Variants in PDE10A observed in about 807,000 individuals in gnomAD.
The protein encoded by PDE10A is cAMP and cAMP-inhibited cGMP 3',5'-cyclic phosphodiesterase 10A.
In PDE10A, 39 loss-of-function variants were observed where a neutral mutation model predicts 97.7. The observed-to-expected ratio is 0.40, with a 90% CI of 0.31 to 0.52. The LOEUF (loss-of-function observed/expected upper bound fraction) is 0.52. Ranked by LOEUF, PDE10A falls within the 20% of genes least tolerant of loss-of-function variation. The probability of loss-of-function intolerance (pLI) is 0.56; values close to 1 mark genes in which losing one functional copy is unlikely to be tolerated. For synonymous variants in PDE10A, 371 were observed against 376.8 expected, an observed-to-expected ratio of 0.98 and a Z score of 0.18; for missense variants, 731 against 1,047.8, an observed-to-expected ratio of 0.70 and a Z score of 4.17.
chr6:165,546,195 A>G (rs767369321), intron 1 of PDE10A, among the ~76,000 whole-genome samples: 1 of 152,046 alleles, frequency 6.6e-6, no homozygotes, highest in African/African-American at 2.4e-5. Context: ...CCAACTATAC[A>G]ACACTGGAGA....
chr6:165,806,802 C>G (rs1779155573), intron 1 of PDE10A, among the ~76,000 whole-genome samples: 1 of 152,224 alleles, frequency 6.6e-6, no homozygotes, highest in Non-Finnish European at 1.5e-5. Context: ...GAGAAATCAT[C>G]TGGAGAACCA....
At chr6:165,543,958 C>A (rs1412800128) in intron 1 of PDE10A, among the ~76,000 whole-genome samples, 3 of 152,062 alleles carry the variant, frequency 2.0e-5, no homozygotes, top group African/African-American at 7.2e-5. Context: ...CATCATGTTA[C>A]ATAGCTGTTT....
intron 3 of PDE10A, among the ~76,000 whole-genome samples, chr6:165,480,246 A>G (rs1169457826): frequency 6.6e-6 from 1 of 152,180 alleles, no homozygotes; most frequent in Non-Finnish European, 1.5e-5. Context: ...GAGAATGGCC[A>G]TTTTGGGAGG....
At chr6:165,968,484 T>C (rs565438822) in intron 1 of PDE10A, among the ~76,000 whole-genome samples, 1 of 152,246 alleles carries the variant, frequency 6.6e-6, no homozygotes, top group Admixed American at 6.5e-5. Flanking sequence ...GGGCCAAACA[T>C]TTTCAACACG....
At chr6:165,658,542 C>T (rs1249847204) in intron 1 of PDE10A, among the ~76,000 whole-genome samples, 1 of 152,192 alleles carries the variant, frequency 6.6e-6, no homozygotes, top group African/African-American at 2.4e-5. Flanking sequence ...TATCCACAGG[C>T]GTGCCTCAGA....
intron 1 of PDE10A, among the ~76,000 whole-genome samples, chr6:165,914,466 G>A (rs574762444): frequency 1.3e-5 from 2 of 152,158 alleles, no homozygotes; most frequent in East Asian, 1.9e-4. Flanking sequence ...TGCCCCTCAC[G>A]TTATCCCATG....
chr6:165,814,229 G>A (rs1336296926), intron 1 of PDE10A, among the ~76,000 whole-genome samples: 1 of 152,142 alleles, frequency 6.6e-6, no homozygotes, highest in Non-Finnish European at 1.5e-5. Flanking sequence ...GTGCTGGAAG[G>A]AGCCGTGCAG....
At chr6:165,833,487 ACTT>A (rs1436383252) in intron 1 of PDE10A, among the ~76,000 whole-genome samples, 1 of 152,220 alleles carries the variant, frequency 6.6e-6, no homozygotes, top group Non-Finnish European at 1.5e-5. Context: ...CAGGCAAAGA[ACTT>A]CTCCCAGGTG....
intron 2 of PDE10A, among the ~76,000 whole-genome samples, chr6:165,527,696 G>C (rs6907588): frequency 0.089 from 13,493 of 152,214 alleles, 871 homozygotes; most frequent in African/African-American, 0.18. Context: ...ATCATCAAAT[G>C]GAAGTGGTAT....
At chr6:165,605,744 G>A (rs1787177219) in intron 1 of PDE10A, among the ~76,000 whole-genome samples, 1 of 152,012 alleles carries the variant, frequency 6.6e-6, no homozygotes, top group African/African-American at 2.4e-5. Context: ...CTGTTTTCAG[G>A]TAGGTGGCCA....
At chr6:165,722,529 A>C (rs1297289980) in intron 1 of PDE10A, among the ~76,000 whole-genome samples, 2 of 152,210 alleles carry the variant, frequency 1.3e-5, no homozygotes, top group Admixed American at 6.5e-5. Context: ...ACAACAGGAG[A>C]TTAACAACAA....
At chr6:165,787,817 T>C (rs560604771) in intron 1 of PDE10A, among the ~76,000 whole-genome samples, 6 of 152,200 alleles carry the variant, frequency 3.9e-5, no homozygotes, top group Non-Finnish European at 8.8e-5. Context: ...GAAGTCAATC[T>C]GGAACATTAG....
intron 19 of PDE10A, among the ~76,000 whole-genome samples, chr6:165,340,733 C>G (rs1306145916): frequency 1.3e-5 from 2 of 152,212 alleles, no homozygotes; most frequent in African/African-American, 4.8e-5. Flanking sequence ...AGGGCAGGAG[C>G]ATGCTCCAGG....
chr6:165,801,681 CCAT>C (rs1389358802), intron 1 of PDE10A, among the ~76,000 whole-genome samples: 1 of 152,218 alleles, frequency 6.6e-6, no homozygotes, highest in Non-Finnish European at 1.5e-5. Context: ...TAAATCAACA[CCAT>C]GTTTCTAGTT....
At chr6:165,740,924 T>C (rs1792705675) in intron 1 of PDE10A, among the ~76,000 whole-genome samples, 1 of 152,180 alleles carries the variant, frequency 6.6e-6, no homozygotes, top group Non-Finnish European at 1.5e-5. Flanking sequence ...TTCAGTCATG[T>C]TGGCTGAATT....
intron 1 of PDE10A, among the ~76,000 whole-genome samples, chr6:165,649,578 C>T (rs768649861): frequency 5.3e-5 from 8 of 152,116 alleles, no homozygotes; most frequent in Non-Finnish European, 1.0e-4. Flanking sequence ...ACCCCTAGCC[C>T]CGGTATACAG....
intron 2 of PDE10A, among the ~76,000 whole-genome samples, chr6:165,536,261 T>C (rs1035111899): frequency 6.6e-6 from 1 of 152,012 alleles, no homozygotes; most frequent in Non-Finnish European, 1.5e-5. Flanking sequence ...GATATTCATA[T>C]GCAGAAGAAT....
chr6:165,365,458 G>A (rs1000182944), intron 18 of PDE10A, among the ~76,000 whole-genome samples: 5 of 152,198 alleles, frequency 3.3e-5, no homozygotes, highest in African/African-American at 1.2e-4. Flanking sequence ...CACTTTGGGA[G>A]GCTGGGGTGG....
In PDE10A at chr6:165,459,717, T is replaced by C. The variant is rs145202501; in HGVS notation, c.1024-9355A>G. Among the ~76,000 whole-genome samples the C allele has an allele frequency of 1.1e-3, 169 of 152,234 alleles. 1 individual carries two copies. Among genetic ancestry groups the C allele is most frequent in the African/African-American group, 4.0e-3 (165 of 41,542 alleles). Reference sequence around the variant, plus strand: ...CCTATCAGAGGGAAAGCACACTTAGTTGATTATATCAAGGCCTGTGATGGT... The same window carrying C: ...CCTATCAGAGGGAAAGCACACTTAGCTGATTATATCAAGGCCTGTGATGGT... On this transcript the variant is annotated intron_variant, in intron 3 of 21. Transcript: ENST00000539869.
Sources: gnomAD v4.1 joint callset for allele counts (sites outside exome capture counted in the v4.1 genomes callset) on GRCh38, gnomAD v4.1.1 for gene constraint, MANE v1.5 for transcripts, NCBI Gene and HGNC (gene_info 2026-07-23, HGNC 2026-07-21) for gene names.